The following GNG12 variants were observed in gnomAD, a reference collection of about 807,000 sequenced individuals.
GNG12 encodes G protein subunit gamma 12, also known as guanine nucleotide-binding protein G(I)/G(S)/G(O) subunit gamma-12.
For missense variants in GNG12, 69 were observed against 83.8 expected (o/e 0.82, Z 0.69); for synonymous variants, 28 against 29.7 (o/e 0.94, Z 0.19).
chr1:67,830,216 G>T (rs1647035325), intron 1 of GNG12, among the ~76,000 whole-genome samples: 1 of 152,150 alleles, frequency 6.6e-6, no homozygotes, highest in African/African-American at 2.4e-5. Context: ...TGTGGGTCAG[G>T]CTGGTCTTGA....
Position 67,704,659 on chromosome 1 carries a change from A to G in GNG12, c.*792T>C, listed in dbSNP as rs1485640547. The G allele has an allele frequency of 6.5e-6, 1 of 152,682 alleles. No individual in the cohort carries two copies. The highest frequency in any genetic ancestry group is 1.5e-5 in the Non-Finnish European group (1 of 68,060). The allele number at this position is 152,682 out of a possible 1,614,324, so 9.5% of individuals were successfully genotyped here. On this transcript the variant is annotated 3_prime_UTR_variant, in exon 4 of 4. Coordinates refer to ENST00000370982, the MANE Select transcript of GNG12 (RefSeq NM_018841.6). The stretch of plus-strand genomic sequence containing the variant: ...GGGTCTCCTCCCCTTTTCCAGACTC[A>G]GCATCATTGAAGCCCTAACGGGTCC...
At chr1:67,714,505 TGTGA>T (rs1646313757) in intron 2 of GNG12, among the ~76,000 whole-genome samples, 1 of 152,220 alleles carries the variant, frequency 6.6e-6, no homozygotes, top group African/African-American at 2.4e-5. Flanking sequence ...AAAATAAGTA[TGTGA>T]GTGTAATAAA....
chr1:67,760,832 G>A (rs187430975), intron 2 of GNG12, among the ~76,000 whole-genome samples: 2 of 152,328 alleles, frequency 1.3e-5, no homozygotes, highest in African/African-American at 2.4e-5. Flanking sequence ...AGGAGGGGAA[G>A]ATAAACAGAG....
chr1:67,817,002 T>C (rs1439410328), intron 1 of GNG12, among the ~76,000 whole-genome samples: 1 of 152,208 alleles, frequency 6.6e-6, no homozygotes, highest in African/African-American at 2.4e-5. Context: ...TTTGATACAA[T>C]ACAACTTCTC....
chr1:67,759,026 A>G lies in GNG12; in HGVS notation c.-27+18432T>C, dbSNP rs191589776. On this transcript the variant is annotated intron_variant, in intron 2 of 3. Transcript: ENST00000370982. ...TTGTATATTTCAAAACAGCTAAAAAAATGTGCAATGTTCCCAACACAAACA... is the reference window on the plus strand; with the variant it reads ...TTGTATATTTCAAAACAGCTAAAAAGATGTGCAATGTTCCCAACACAAACA... 1.2e-3 allele frequency among the ~76,000 whole-genome samples: 181 copies of G among 152,338 alleles called. 1 individual carries two copies. The highest frequency in any genetic ancestry group is 4.2e-3 in the African/African-American group (175 of 41,572).
intron 1 of GNG12, among the ~76,000 whole-genome samples, chr1:67,787,688 A>G (rs1646778810): frequency 6.6e-6 from 1 of 152,218 alleles, no homozygotes; most frequent in South Asian, 2.1e-4. Context: ...AATTCACAGG[A>G]AAAACCAATA....
chr1:67,832,533 C>T (rs1170815756), intron 1 of GNG12: 1 of 152,066 alleles, frequency 6.6e-6, no homozygotes, highest in African/African-American at 2.4e-5. Flanking sequence ...TTAAAGTTAG[C>T]TTTAATTGAT....
intron 2 of GNG12, among the ~76,000 whole-genome samples, chr1:67,744,465 G>C (rs1025988978): frequency 2.0e-5 from 3 of 152,080 alleles, no homozygotes; most frequent in African/African-American, 7.2e-5. Flanking sequence ...ACTGTGCTCG[G>C]GCACTTCTTT....
chr1:67,735,817 A>G (rs1311697587), intron 2 of GNG12, among the ~76,000 whole-genome samples: 1 of 152,220 alleles, frequency 6.6e-6, no homozygotes, highest in African/African-American at 2.4e-5. Context: ...ACAGAGTACA[A>G]TATTATTCTA....
Position 67,707,724 on chromosome 1 carries a change from T to G in GNG12, c.-26-12A>C. 1 of 1,426,888 alleles carries G rather than the reference T, an allele frequency of 7.0e-7. No individual in the cohort carries two copies. The highest frequency in any genetic ancestry group is 2.3e-5 in the East Asian group (1 of 42,984). The allele number at this position is 1,426,888 out of a possible 1,614,324, so 88.4% of individuals were successfully genotyped here. ...TTTTTACCTGAAATCTGAGGAGAAT[T>G]TTTTTTAAAGACAAGTAACAGGCAT... On this transcript the variant is annotated splice_polypyrimidine_tract_variant and intron_variant, in intron 2 of 3. Transcript: ENST00000370982.
chr1:67,713,062 C>T (rs919546453), intron 2 of GNG12, among the ~76,000 whole-genome samples: 14 of 152,158 alleles, frequency 9.2e-5, no homozygotes, highest in Admixed American at 4.6e-4. Flanking sequence ...GTGACTGACA[C>T]GCGGTGACCT....
At chr1:67,723,628 A>C (rs1646369345) in intron 2 of GNG12, among the ~76,000 whole-genome samples, 1 of 152,166 alleles carries the variant, frequency 6.6e-6, no homozygotes, top group South Asian at 2.1e-4. Flanking sequence ...TATTAACTTA[A>C]TTTTCAAAAC....
In GNG12 at chr1:67,747,500, C is replaced by T. The variant is rs116301498; in HGVS notation, c.-27+29958G>A. ...GAGTTTTAAAGCCTCCCTCATCAGACACCAATCATAACCAGAATGTATTTT... is the reference window on the plus strand; with the variant it reads ...GAGTTTTAAAGCCTCCCTCATCAGATACCAATCATAACCAGAATGTATTTT... On this transcript the variant is annotated intron_variant, in intron 2 of 3. Coordinates refer to ENST00000370982, the MANE Select transcript of GNG12 (RefSeq NM_018841.6). Among the ~76,000 whole-genome samples, 638 of 152,332 alleles carry T rather than the reference C, an allele frequency of 4.2e-3. 10 individuals are homozygous for T. Among genetic ancestry groups the T allele is most frequent in the African/African-American group, 0.015 (608 of 41,572 alleles).
intron 2 of GNG12, among the ~76,000 whole-genome samples, chr1:67,753,240 A>G (rs1217117386): frequency 6.6e-6 from 1 of 152,180 alleles, no homozygotes; most frequent in Non-Finnish European, 1.5e-5. Context: ...AAAATCCTCC[A>G]AAATCTGAAA....
Position 67,746,516 on chromosome 1 carries a change from C to A in GNG12, c.-27+30942G>T, listed in dbSNP as rs549961193. Among the ~76,000 whole-genome samples the A allele has an allele frequency of 2.6e-5, 4 of 152,068 alleles. No individual in the cohort carries two copies. In the East Asian group the frequency reaches 7.8e-4, roughly 30 times the overall value. On this transcript the variant is annotated intron_variant, in intron 2 of 3. Transcript: ENST00000370982. ...AGTGGCTTGTGCTGAGGAAGGCATT[C>A]GGAGGGAGCTATGGGGGCGGGGGAG... is the stretch of plus-strand genomic sequence containing the variant.
intron 2 of GNG12, among the ~76,000 whole-genome samples, chr1:67,761,565 T>C (rs1269562737): frequency 1.3e-5 from 2 of 152,170 alleles, no homozygotes; most frequent in African/African-American, 4.8e-5. Context: ...AATAACAACA[T>C]TGCTTTGGGG....
At chr1:67,736,177 T>C (rs942601660) in intron 2 of GNG12, among the ~76,000 whole-genome samples, 5 of 151,914 alleles carry the variant, frequency 3.3e-5, no homozygotes, top group Admixed American at 3.3e-4. Context: ...GAACTAGGAG[T>C]CTGTTCATTA....
chr1:67,707,101 A>G (rs1282058909), intron 3 of GNG12, among the ~76,000 whole-genome samples: 1 of 152,176 alleles, frequency 6.6e-6, no homozygotes, highest in Non-Finnish European at 1.5e-5. Context: ...GATCTCAACT[A>G]AAGCTCGCAT....
chr1:67,826,635 C>T (rs1647012613), intron 1 of GNG12, among the ~76,000 whole-genome samples: 1 of 152,144 alleles, frequency 6.6e-6, no homozygotes, highest in Non-Finnish European at 1.5e-5. Context: ...AAGGTTACAC[C>T]TTTCTAATTT....
Sources: gnomAD v4.1 joint callset for allele counts (sites outside exome capture counted in the v4.1 genomes callset) on GRCh38, gnomAD v4.1.1 for gene constraint, MANE v1.5 for transcripts, NCBI Gene and HGNC (gene_info 2026-07-23, HGNC 2026-07-21) for gene names.